The following ZNF385A variants were observed in gnomAD, a reference collection of about 807,000 sequenced individuals.
ZNF385A encodes the protein hematopoietic zinc finger protein.
Under a neutral mutation model 32.1 loss-of-function variants are expected in ZNF385A, and 14 were observed. That is an observed-to-expected ratio of 0.44 (90% confidence interval 0.29 to 0.68). The LOEUF is 0.68. Ranked by LOEUF, ZNF385A falls within the 30% of genes least tolerant of loss-of-function variation. ZNF385A has a pLI of 0.14. For synonymous variants in ZNF385A, 197 were observed against 202.7 expected, an observed-to-expected ratio of 0.97 and a Z score of 0.24; for missense variants, 406 against 478.4, an observed-to-expected ratio of 0.85 and a Z score of 1.41.
intron 1 of ZNF385A, among the ~76,000 whole-genome samples, chr12:54,390,647 CCCCCTCTTCTCCCAAG>C (rs1196120576): frequency 8.7e-5 from 13 of 149,118 alleles, no homozygotes; most frequent in South Asian, 4.3e-4. Context: ...ATTTTCCCCA[CCCCCTCTTCTCCCAAG>C]CCCCTCTTCT....
Position 54,370,243 on chromosome 12 carries a change from T to G in ZNF385A, c.*13A>C, listed in dbSNP as rs2137148766. On this transcript the variant is annotated 3_prime_UTR_variant, in exon 7 of 7. Transcript: ENST00000394313. The surrounding 1 kb of genome is among the most constrained non-coding windows in gnomAD (Gnocchi z 5.5). ...GAGGTGGGGAGTTGAATGGGAGGGG[T>G]TCAGGGTTGAGGTCAGTACGGGGAG... 2 of 1,429,510 alleles carry G rather than the reference T, an allele frequency of 1.4e-6. No homozygotes were observed. The highest frequency in any genetic ancestry group is 1.5e-5 in the African/African-American group (1 of 67,732). 88.6% of individuals were successfully genotyped at this position (1,429,510 alleles called of 1,614,324 possible). A position where few individuals can be genotyped will look rare whatever the true frequency, so the allele number is the denominator to read the frequency against.
Position 54,372,754 on chromosome 12 carries a change from C to T in ZNF385A, c.362-1039G>A, listed in dbSNP as rs138047207. ...AAAGTACAATTAGAACTCAGCTTCC[C>T]GTGGCCGGGGACGGTGGCTCATGCC... On this transcript the variant is annotated intron_variant, in intron 3 of 6. Coordinates refer to ENST00000394313, the MANE Select transcript of ZNF385A (RefSeq NM_015481.3). 927 of 155,256 alleles carry T rather than the reference C, an allele frequency of 6.0e-3. 11 individuals are homozygous for T. The highest frequency in any genetic ancestry group is 0.027 in the Middle Eastern group (8 of 300). The allele number at this position is 155,256 out of a possible 1,614,324, so 9.6% of individuals were successfully genotyped here.
intron 1 of ZNF385A, 58 bp downstream of exon 1, chr12:54,384,370 C>G: frequency 6.6e-7 from 1 of 1,517,432 alleles, no homozygotes; most frequent in Admixed American, 2.3e-5. Flanking sequence ...AGAGGTGGGT[C>G]TGAGAGAGAA....
chr12:54,369,882 T>G lies in ZNF385A; in HGVS notation c.*374A>C. 2 of 177,888 alleles carry G rather than the reference T, an allele frequency of 1.1e-5. No individual in the cohort carries two copies. Among genetic ancestry groups the G allele is most frequent in the Middle Eastern group, 2.4e-3 (1 of 422 alleles). 11.0% of individuals were successfully genotyped at this position (177,888 alleles called of 1,614,324 possible). On this transcript the variant is annotated 3_prime_UTR_variant, in exon 7 of 7. Coordinates refer to ENST00000394313, the MANE Select transcript of ZNF385A (RefSeq NM_015481.3). The stretch of plus-strand genomic sequence containing the variant: ...GTCCGCTTATTGCCAAGAAAATCCA[T>G]TTCTGTCCCCCCCGGACCCCGACCA...
Position 54,370,660 on chromosome 12 carries a change from C to T in ZNF385A, c.836G>A (p.Arg279His). ...CCCGGCGCCCCTAGACTTCTTGTGA[C>T]GGCTCAGTAGTGGGTTGGGCTTCCC... ...VAGKPNPLLS[R>H]HKKSRGAGEL... Residue 279 changes from arginine to histidine, a missense_variant, in exon 6 of 7, where the codon CGT becomes CAT. By Grantham distance (29) the Arg-to-His change is conservative (BLOSUM62 0). Coordinates refer to ENST00000394313, the MANE Select transcript of ZNF385A (RefSeq NM_015481.3). This position sits in a 1 kb window ranked among gnomAD's most constrained non-coding sequence, Gnocchi z 5.5. 1 of 1,605,910 alleles carries T rather than the reference C, an allele frequency of 6.2e-7. No homozygotes were observed. Among genetic ancestry groups the T allele is most frequent in the Non-Finnish European group, 8.5e-7 (1 of 1,177,056 alleles).
intron 2 of ZNF385A, 99 bp downstream of exon 2, chr12:54,375,745 C>CAACCAGAGTA: frequency 9.9e-7 from 1 of 1,008,902 alleles, no homozygotes; most frequent in African/African-American, 1.6e-5. Context: ...CCCTGCCCCT[C>CAACCAGAGTA]AACCAGAGTA....
At chr12:54,384,804 A>T, upstream of ZNF385A, 1 of 1,229,100 alleles carries the variant, frequency 8.1e-7, no homozygotes, top group Non-Finnish European at 1.0e-6. Flanking sequence ...CCCCTTTTCC[A>T]GCCTCCCTCC....
chr12:54,391,254 C>G (rs957659420), exon 1 of ZNF385A: 1 of 1,396,110 alleles, frequency 7.2e-7, no homozygotes, highest in South Asian at 1.5e-5. Flanking sequence ...TGCTGGGGAC[C>G]CAGGCGCCCG....
At position 54,373,658 on chromosome 12, in the gene ZNF385A, C is replaced by T. The variant is rs181885924; in HGVS notation, c.361+315G>A. Among the ~76,000 whole-genome samples the T allele has an allele frequency of 8.5e-4, 129 of 152,284 alleles. 1 individual carries two copies. Among genetic ancestry groups the T allele is most frequent in the Admixed American group, 2.5e-3 (38 of 15,294 alleles). ...TGCCCCTCTCCCTAAGATGAAAAGGCATCTCTCTGGATTTGGTGGTTCTCT... is the reference window on the plus strand; with the variant it reads ...TGCCCCTCTCCCTAAGATGAAAAGGTATCTCTCTGGATTTGGTGGTTCTCT... On this transcript the variant is annotated intron_variant, in intron 3 of 6. Coordinates refer to ENST00000394313, the MANE Select transcript of ZNF385A (RefSeq NM_015481.3).
intron 2 of ZNF385A, among the ~76,000 whole-genome samples, chr12:54,374,662 G>A (rs542646533): frequency 1.3e-5 from 2 of 152,188 alleles, no homozygotes; most frequent in African/African-American, 4.8e-5. Flanking sequence ...ACACCCTGGA[G>A]GACCCTGGCC....
At chr12:54,371,818 G>T in intron 3 of ZNF385A, 103 bp from the exon 4 acceptor site, 1 of 1,532,358 alleles carries the variant, frequency 6.5e-7, no homozygotes, top group South Asian at 1.2e-5. Flanking sequence ...AAGGGACCAG[G>T]AGTCCCCACC....
intron 3 of ZNF385A, among the ~76,000 whole-genome samples, chr12:54,373,424 G>A (rs1954663131): frequency 6.6e-6 from 1 of 150,670 alleles, no homozygotes; most frequent in East Asian, 2.0e-4. Flanking sequence ...GAGGGAAAAG[G>A]AATCTTGTAA....
chr12:54,376,931 G>A (rs1954877474), intron 1 of ZNF385A, among the ~76,000 whole-genome samples: 1 of 152,212 alleles, frequency 6.6e-6, no homozygotes, highest in African/African-American at 2.4e-5. Flanking sequence ...AAGATTGGGG[G>A]ATGGCTGGGC....
At position 54,384,607 on chromosome 12, in the gene ZNF385A, G is replaced by A. The variant is rs2137292625; in HGVS notation, c.-93C>T. 4 of 1,423,146 alleles carry A rather than the reference G, an allele frequency of 2.8e-6. No individual in the cohort carries two copies. The highest frequency in any genetic ancestry group is 2.6e-4 in the Middle Eastern group (1 of 3,846). 88.2% of individuals were successfully genotyped at this position (1,423,146 alleles called of 1,614,324 possible). A position where few individuals can be genotyped will look rare whatever the true frequency, so the allele number is the denominator to read the frequency against. On this transcript the variant is annotated 5_prime_UTR_variant, in exon 1 of 7. Transcript: ENST00000394313. ...CATTCTGTGGGGTAGGAAGATTAAAGCTTGGGAACCCCACCCAAGCCTGCC... is the reference window on the plus strand; with the variant it reads ...CATTCTGTGGGGTAGGAAGATTAAAACTTGGGAACCCCACCCAAGCCTGCC...
chr12:54,374,210 A>G (rs1954720157), intron 2 of ZNF385A, 75 bp from the exon 3 acceptor site: 1 of 1,362,734 alleles, frequency 7.3e-7, no homozygotes, highest in Non-Finnish European at 9.6e-7. Context: ...AGCTCCCTCA[A>G]GTCCTGGGGT....
intron 1 of ZNF385A, chr12:54,379,022 G>C: frequency 1.0e-6 from 1 of 982,560 alleles, no homozygotes; most frequent in African/African-American, 1.7e-5. Flanking sequence ...GTGCGCTGCG[G>C]CAGCCGCGGG....
chr12:54,384,415 G>A lies in ZNF385A; in HGVS notation c.87+13C>T. The A allele has an allele frequency of 1.9e-6, 3 of 1,573,552 alleles. No homozygotes were observed. Among genetic ancestry groups the A allele is most frequent in the Non-Finnish European group, 2.6e-6 (3 of 1,159,478 alleles). ...CACAAGAGGATGGAGAAGGCAGGCA[G>A]GCTGCTACTTACGGTGCTGTAGTTG... On this transcript the variant is annotated intron_variant, in intron 1 of 6. Transcript: ENST00000394313.
At chr12:54,386,209 C>CACAGAG (rs1555162842), upstream of ZNF385A, among the ~76,000 whole-genome samples, 2 of 139,772 alleles carry the variant, frequency 1.4e-5, no homozygotes, top group Admixed American at 1.4e-4. Flanking sequence ...CACACACACA[C>CACAGAG]AGAGAGACGG....
At chr12:54,378,951 C>G (rs1014636899) in intron 1 of ZNF385A, 96 of 652,170 alleles carry the variant, frequency 1.5e-4, no homozygotes, top group Non-Finnish European at 1.7e-4. Context: ...CCGGACAGCC[C>G]GAGGACTAGG....
Sources: gnomAD v4.1 joint callset for allele counts (sites outside exome capture counted in the v4.1 genomes callset) on GRCh38, gnomAD v4.1.1 for gene constraint, Gnocchi (gnomAD v3.1) non-coding constraint, MANE v1.5 for transcripts, NCBI Gene and HGNC (gene_info 2026-07-23, HGNC 2026-07-21) for gene names.